The following AKAP13 variants were observed in gnomAD, a reference collection of about 807,000 sequenced individuals.
AKAP13 encodes A-kinase anchoring protein 13.
In AKAP13, 80 loss-of-function variants were observed where a neutral mutation model predicts 264.5. The observed-to-expected ratio is 0.30, with a 90% CI of 0.25 to 0.36. AKAP13 has a LOEUF of 0.36. AKAP13 is among the 10% of genes least tolerant of loss of function. AKAP13 has a pLI of 1.00. For missense variants in AKAP13, 3,712 were observed against 3,435.2 expected (o/e 1.08, Z -2.01); for synonymous variants, 1,380 against 1,250.2 (o/e 1.10, Z -2.19).
At chr15:85,411,923 G>A (rs1457721425) in intron 1 of AKAP13, among the ~76,000 whole-genome samples, 1 of 152,180 alleles carries the variant, frequency 6.6e-6, no homozygotes, top group Non-Finnish European at 1.5e-5. Flanking sequence ...AAAATCAGAA[G>A]TTTGGAAAAT....
In AKAP13 at chr15:85,655,698, G is replaced by C; in HGVS notation, c.4656G>C (p.Arg1552Ser). ...TGCCTGCAAACTGCTCTGTCCTAAG[G>C]AGCTCCATGCGCTCTCTTTCTCCCT... ...TEVPANCSVL[R>S]SSMRSLSPFR... The change falls in exon 11 of 37, where the codon AGG becomes AGC. Residue 1552 changes from arginine to serine, a missense_variant. Around this residue, in one of 3 missense-constraint regions of AKAP13, gnomAD observed 2,759 missense variants for 2,411.7 expected, o/e 1.14. Transcript: ENST00000394518. 1 of 1,614,006 alleles carries C rather than the reference G, an allele frequency of 6.2e-7. No individual in the cohort carries two copies. Among genetic ancestry groups the C allele is most frequent in the South Asian group, 1.1e-5 (1 of 91,002 alleles).
chr15:85,693,059 C>G (rs772955034), intron 16 of AKAP13: 2 of 684,916 alleles, frequency 2.9e-6, no homozygotes, highest in African/African-American at 1.9e-5. Flanking sequence ...CAGAACTGTT[C>G]CGCCTGCCCA....
chr15:85,531,617 T>C (rs1460387276), intron 3 of AKAP13, among the ~76,000 whole-genome samples: 1 of 152,224 alleles, frequency 6.6e-6, no homozygotes, highest in East Asian at 1.9e-4. Context: ...TAATTCTCTT[T>C]CATATATTAA....
At chr15:85,701,947 A>T (rs751834244) in intron 17 of AKAP13, among the ~76,000 whole-genome samples, 1 of 152,040 alleles carries the variant, frequency 6.6e-6, no homozygotes, top group Non-Finnish European at 1.5e-5. Context: ...CCTGCCTCTT[A>T]TAAAAAGAAG....
At chr15:85,465,721 A>G (rs1324367545) in intron 1 of AKAP13, among the ~76,000 whole-genome samples, 1 of 150,934 alleles carries the variant, frequency 6.6e-6, no homozygotes, top group African/African-American at 2.4e-5. Flanking sequence ...TATGGTGTAT[A>G]TGTGCCACAT....
intron 1 of AKAP13, among the ~76,000 whole-genome samples, chr15:85,399,519 A>AAAAAAAAAAAAAATAAAT (rs2071303352): frequency 8.0e-6 from 1 of 124,578 alleles, no homozygotes; most frequent in Non-Finnish European, 1.7e-5. Flanking sequence ...AAAAAAAAAA[A>AAAAAAAAAAAAAATAAAT]AAATAAAAAA....
intron 1 of AKAP13, among the ~76,000 whole-genome samples, chr15:85,476,280 G>A (rs1035937901): frequency 6.6e-6 from 1 of 152,132 alleles, no homozygotes; most frequent in African/African-American, 2.4e-5. Context: ...GGGGTAGTGG[G>A]GGCATGGTGG....
At chr15:85,645,700 AGAGT>A in intron 9 of AKAP13, 114 bp from the exon 10 acceptor site, 5 of 1,067,536 alleles carry the variant, frequency 4.7e-6, no homozygotes, top group Non-Finnish European at 1.3e-6. Context: ...GGAAGAGAAA[AGAGT>A]GAGAGAGAGA....
chr15:85,442,490 A>ATATATATT (rs1491272735), intron 1 of AKAP13, among the ~76,000 whole-genome samples: 39 of 110,454 alleles, frequency 3.5e-4, no homozygotes, highest in Non-Finnish European at 6.4e-4. Context: ...TAATATATAT[A>ATATATATT]ATATATATTA....
At chr15:85,465,703 T>C (rs1471599491) in intron 1 of AKAP13, among the ~76,000 whole-genome samples, 2 of 151,418 alleles carry the variant, frequency 1.3e-5, no homozygotes, top group African/African-American at 2.4e-5. Context: ...TATGGCCGCA[T>C]AGTATTCTAT....
chr15:85,630,265 A>ACACACACACACACG (rs1273540806), intron 8 of AKAP13, among the ~76,000 whole-genome samples: 1 of 151,630 alleles, frequency 6.6e-6, no homozygotes, highest in East Asian at 1.9e-4. Context: ...ACACACACAC[A>ACACACACACACACG]CAAACACAAT....
intron 5 of AKAP13, among the ~76,000 whole-genome samples, chr15:85,562,681 CT>C (rs1411665176): frequency 6.8e-5 from 6 of 88,018 alleles, no homozygotes; most frequent in Non-Finnish European, 1.3e-4. Context: ...TCTTTCTTTT[CT>C]TTTCTTTTCT....
At chr15:85,476,538 T>TA (rs1252571371) in intron 1 of AKAP13, among the ~76,000 whole-genome samples, 1 of 152,238 alleles carries the variant, frequency 6.6e-6, no homozygotes, top group Non-Finnish European at 1.5e-5. Flanking sequence ...ACCACTGTGT[T>TA]AAACCTTTAA....
Position 85,531,396 on chromosome 15 carries a change from C to T in AKAP13, c.182-2188C>T, listed in dbSNP as rs184625273. 2.6e-3 allele frequency among the ~76,000 whole-genome samples: 393 copies of T among 152,312 alleles called. 3 individuals are homozygous for T. Among genetic ancestry groups the T allele is most frequent in the Admixed American group, 5.5e-3 (84 of 15,300 alleles). ...GACTCCTTACTTTACTCATCTTCAC[C>T]TTCTGATCATAGTGCCTGGACTTGA... On this transcript the variant is annotated intron_variant, in intron 3 of 36. Transcript: ENST00000394518.
intron 10 of AKAP13, among the ~76,000 whole-genome samples, chr15:85,646,599 C>T (rs968204275): frequency 2.6e-5 from 4 of 152,068 alleles, no homozygotes; most frequent in Admixed American, 6.5e-5. Flanking sequence ...CAGCAAGGAC[C>T]GCAGCTCAGA....
At chr15:85,572,608 G>A (rs16941673) in intron 5 of AKAP13, among the ~76,000 whole-genome samples, 9,935 of 151,958 alleles carry the variant, frequency 0.065, 1,056 homozygotes, top group African/African-American at 0.23. Context: ...TATTATTACC[G>A]TCAGCCAGTA....
At chr15:85,449,129 C>T (rs1446004118) in intron 1 of AKAP13, among the ~76,000 whole-genome samples, 1 of 151,894 alleles carries the variant, frequency 6.6e-6, no homozygotes, top group African/African-American at 2.4e-5. Flanking sequence ...CCCTGGTTAG[C>T]TGTATTCCTA....
At chr15:85,397,915 T>C (rs1210581699) in intron 1 of AKAP13, among the ~76,000 whole-genome samples, 5 of 152,220 alleles carry the variant, frequency 3.3e-5, no homozygotes, top group East Asian at 1.9e-4. Flanking sequence ...CCAAGTGTAG[T>C]AGTAAGTACT....
chr15:85,626,748 A>G (rs2081428080), intron 8 of AKAP13, among the ~76,000 whole-genome samples: 1 of 152,046 alleles, frequency 6.6e-6, no homozygotes, highest in South Asian at 2.1e-4. Flanking sequence ...AGTTCTTTGC[A>G]TGTATACCCA....
Sources: allele counts gnomAD v4.1 joint callset (sites outside exome capture counted in the v4.1 genomes callset), GRCh38; gene constraint gnomAD v4.1.1; regional missense constraint gnomAD v4.1.1; transcripts MANE v1.5; gene names NCBI Gene and HGNC (gene_info 2026-07-23, HGNC 2026-07-21).